Variants in VWC2L observed in about 807,000 individuals in gnomAD.
The protein encoded by VWC2L is von Willebrand factor C domain containing 2 like.
VWC2L carries 10 observed loss-of-function variants against 21.6 expected under a neutral mutation model. The observed-to-expected ratio is 0.46, with a 90% CI of 0.29 to 0.78. The LOEUF (loss-of-function observed/expected upper bound fraction) is 0.78, where lower values mean the gene tolerates loss of function less well. Ranked by LOEUF, VWC2L falls within the 30% of genes least tolerant of loss-of-function variation. The pLI is 0.10. For synonymous variants in VWC2L, 96 were observed against 94.3 expected (o/e 1.02, Z -0.10); for missense variants, 209 against 277.1 (o/e 0.75, Z 1.74).
intron 3 of VWC2L, among the ~76,000 whole-genome samples, chr2:214,487,963 G>A (rs566734895): frequency 5.9e-5 from 9 of 152,092 alleles, no homozygotes; most frequent in Non-Finnish European, 1.3e-4. Flanking sequence ...AACAGCTCTG[G>A]GTTCATTGAT....
At chr2:214,483,595 T>A (rs1484613382) in intron 3 of VWC2L, among the ~76,000 whole-genome samples, 2 of 152,146 alleles carry the variant, frequency 1.3e-5, no homozygotes, top group African/African-American at 4.8e-5. Context: ...CAGCAATACG[T>A]TTACATTCAA....
At chr2:214,510,560 T>C (rs1689036973) in intron 3 of VWC2L, among the ~76,000 whole-genome samples, 1 of 152,216 alleles carries the variant, frequency 6.6e-6, no homozygotes, top group Admixed American at 6.5e-5. Context: ...TACTTCTAGT[T>C]TCCTCTCTCA....
At chr2:214,525,514 C>T (rs1163382646) in intron 3 of VWC2L, among the ~76,000 whole-genome samples, 8 of 152,108 alleles carry the variant, frequency 5.3e-5, no homozygotes, top group East Asian at 1.9e-4. Flanking sequence ...GAATGTGCAC[C>T]GCACTTCCTT....
intron 3 of VWC2L, among the ~76,000 whole-genome samples, chr2:214,443,328 C>T (rs184024973): frequency 2.6e-5 from 4 of 152,018 alleles, no homozygotes; most frequent in Non-Finnish European, 4.4e-5. Context: ...GCTGAGATCA[C>T]GCCCTTGCAC....
At chr2:214,425,876 G>T (rs1009538372) in intron 2 of VWC2L, among the ~76,000 whole-genome samples, 11 of 152,022 alleles carry the variant, frequency 7.2e-5, no homozygotes, top group Admixed American at 4.6e-4. Context: ...GAACTCAGAT[G>T]AAGAAAGAAT....
chr2:214,501,488 C>T lies in VWC2L; in HGVS notation c.520+64730C>T, dbSNP rs554472563. Among the ~76,000 whole-genome samples, 12 of 152,020 alleles carry T rather than the reference C, an allele frequency of 7.9e-5. No individual in the cohort carries two copies. In the South Asian group the frequency reaches 1.7e-3, roughly 21 times the overall value. On this transcript the variant is annotated intron_variant, in intron 3 of 3. Transcript: ENST00000312504. ...CTGTAATCCCAGCATTTTGGGAGTC[C>T]GAGGCGGTGAATCGCCTGAGGTCAG...
At chr2:214,562,131 T>C (rs1200439257) in intron 3 of VWC2L, among the ~76,000 whole-genome samples, 1 of 152,088 alleles carries the variant, frequency 6.6e-6, no homozygotes, top group Non-Finnish European at 1.5e-5. Context: ...TTAGCTATTT[T>C]TTCTGATGCT....
intron 3 of VWC2L, among the ~76,000 whole-genome samples, chr2:214,488,285 T>C: frequency 6.6e-6 from 1 of 152,188 alleles, no homozygotes. Flanking sequence ...CTTCCTATGA[T>C]AGAGAATTCA....
chr2:214,488,358 G>C (rs761347674), intron 3 of VWC2L, among the ~76,000 whole-genome samples: 37 of 152,194 alleles, frequency 2.4e-4, no homozygotes, highest in Non-Finnish European at 4.4e-5. Flanking sequence ...AGCACTTTGG[G>C]AGGCCAAGGC....
intron 3 of VWC2L, among the ~76,000 whole-genome samples, chr2:214,520,678 T>A (rs1689223545): frequency 6.6e-6 from 1 of 152,196 alleles, no homozygotes. Flanking sequence ...CATCAAGTGT[T>A]ATCTTTTATC....
At position 214,571,131 on chromosome 2, in the gene VWC2L, C is replaced by T. The variant is rs182341227; in HGVS notation, c.521-4541C>T. The stretch of plus-strand genomic sequence containing the variant: ...GTTTCTAGCCACATCAAATTTCTTG[C>T]CTCAGTATGCAAACACAAAAACCAA... On this transcript the variant is annotated intron_variant, in intron 3 of 3. Transcript: ENST00000312504. 5.9e-5 allele frequency among the ~76,000 whole-genome samples: 9 copies of T among 152,252 alleles called. No individual in the cohort carries two copies. The East Asian group carries it at 1.7e-3, about 29-fold the overall frequency.
At chr2:214,573,652 G>T (rs1281782880) in intron 3 of VWC2L, among the ~76,000 whole-genome samples, 1 of 152,184 alleles carries the variant, frequency 6.6e-6, no homozygotes, top group Admixed American at 6.5e-5. Context: ...AAACCTCTCT[G>T]CCAAGTTCTC....
At chr2:214,506,119 A>G (rs1047935881) in intron 3 of VWC2L, among the ~76,000 whole-genome samples, 2 of 152,198 alleles carry the variant, frequency 1.3e-5, no homozygotes, top group Non-Finnish European at 2.9e-5. Flanking sequence ...ATATTATCTC[A>G]TGTTTCTATC....
intron 3 of VWC2L, among the ~76,000 whole-genome samples, chr2:214,484,247 CTG>C (rs1688645698): frequency 6.6e-6 from 1 of 152,104 alleles, no homozygotes; most frequent in Admixed American, 6.6e-5. Flanking sequence ...TTTTGAGGTG[CTG>C]AATGGACAAA....
chr2:214,493,646 G>T lies in VWC2L; in HGVS notation c.520+56888G>T, dbSNP rs562894048. The stretch of plus-strand genomic sequence containing the variant: ...CTAACAGCTCTGGCACCATTTCCAA[G>T]GAGGATTCTGACTGGTTCAGTTTGG... On this transcript the variant is annotated intron_variant, in intron 3 of 3. Transcript: ENST00000312504. Among the ~76,000 whole-genome samples, 15 of 152,258 alleles carry T rather than the reference G, an allele frequency of 9.9e-5. No individual in the cohort carries two copies. In the South Asian group the frequency reaches 2.9e-3, roughly 29 times the overall value.
intron 3 of VWC2L, among the ~76,000 whole-genome samples, chr2:214,463,068 T>C (rs780982509): frequency 6.6e-6 from 1 of 152,178 alleles, no homozygotes; most frequent in Non-Finnish European, 1.5e-5. Context: ...ACGTTTCACA[T>C]CCTGAAAAGA....
rs187547313 is a variant in VWC2L, at chr2:214,552,385, T to C, written c.521-23287T>C. On this transcript the variant is annotated intron_variant, in intron 3 of 3. Coordinates refer to ENST00000312504, the MANE Select transcript of VWC2L (RefSeq NM_001080500.4). ...CCTGACTGTGTAATCAACATGCTTT[T>C]TTTTTCCCCACATCTCACTTTCAAA... Among the ~76,000 whole-genome samples the C allele has an allele frequency of 6.9e-4, 105 of 152,316 alleles. 1 individual carries two copies. The highest frequency in any genetic ancestry group is 3.4e-3 in the Middle Eastern group (1 of 294).
chr2:214,541,975 A>T (rs1368961299), intron 3 of VWC2L, among the ~76,000 whole-genome samples: 2 of 152,012 alleles, frequency 1.3e-5, no homozygotes, highest in Non-Finnish European at 2.9e-5. Flanking sequence ...AGCCACCAGA[A>T]GGGAAGTTCA....
chr2:214,522,500 A>T (rs1200910253), intron 3 of VWC2L, among the ~76,000 whole-genome samples: 1 of 151,520 alleles, frequency 6.6e-6, no homozygotes, highest in Non-Finnish European at 1.5e-5. Context: ...GGTACAGGAG[A>T]CATTGGGGTA....
Sources: allele counts gnomAD v4.1 joint callset (sites outside exome capture counted in the v4.1 genomes callset), GRCh38; gene constraint gnomAD v4.1.1; transcripts MANE v1.5; gene names NCBI Gene and HGNC (gene_info 2026-07-23, HGNC 2026-07-21).